ZNF676: variants seen among roughly 807,000 people sequenced by gnomAD.
The protein encoded by ZNF676 is zinc finger protein 676.
A neutral mutation model predicts 6.0 loss-of-function variants in ZNF676; 4 were observed. That is an observed-to-expected ratio of 0.67 (90% confidence interval 0.33 to 1.53). The LOEUF (loss-of-function observed/expected upper bound fraction) is 1.53, where lower values mean the gene tolerates loss of function less well. Among genes scored for constraint, ZNF676 ranks in the 40% most tolerant of loss-of-function variants. The pLI is 0.06. For synonymous variants in ZNF676, 198 were observed against 223.1 expected (o/e 0.89, Z 1.00); for missense variants, 644 against 679.7 (o/e 0.95, Z 0.58).
Position 22,180,347 on chromosome 19 carries a change from G to C in ZNF676, c.1370C>G (p.Ala457Gly), listed in dbSNP as rs2023716527. The C allele has an allele frequency of 6.2e-7, 1 of 1,613,630 alleles. No homozygotes were observed. The highest frequency in any genetic ancestry group is 1.3e-5 in the African/African-American group (1 of 74,924). The change falls in exon 3 of 3, where the codon GCC (alanine) becomes GGC (glycine). Residue 457 changes from alanine (A) to glycine (G), a missense_variant. Ala to Gly is a moderately conservative substitution (Grantham distance 60). This residue lies in a region of ZNF676 where 306 missense variants were observed against 265.4 expected (regional missense o/e 1.15). Coordinates refer to ENST00000397121, the MANE Select transcript of ZNF676 (RefSeq NM_001001411.3). ...KPYKCEECGKAFTWSSSFTKH... is the reference protein window; with the variant it reads ...KPYKCEECGKGFTWSSSFTKH... Reference sequence around the variant, plus strand: ...AGTAAAGCTTGAGGACCAGGTGAAGGCTTTGCCACATTCTTCACATTTGTA... The same window carrying C: ...AGTAAAGCTTGAGGACCAGGTGAAGCCTTTGCCACATTCTTCACATTTGTA...
intron 1 of ZNF676, among the ~76,000 whole-genome samples, chr19:22,209,954 G>A (rs574859015): frequency 2.2e-4 from 33 of 152,260 alleles, no homozygotes; most frequent in Admixed American, 7.2e-4. Context: ...TCCAGAGAGG[G>A]GTGTGGACAC....
the ZNF676 span, among the ~76,000 whole-genome samples, chr19:22,259,409 T>A: frequency 1.3e-4 from 20 of 152,102 alleles, no homozygotes; most frequent in Non-Finnish European, 2.9e-5. Context: ...CACAATCTCC[T>A]TTTGTGGACA....
chr19:22,186,153 G>A (rs796754033), intron 2 of ZNF676, among the ~76,000 whole-genome samples: 4 of 152,282 alleles, frequency 2.6e-5, no homozygotes, highest in African/African-American at 9.6e-5. Context: ...TACCCACAAA[G>A]CAAAGCCCAT....
At chr19:22,239,724 G>A in the ZNF676 span, among the ~76,000 whole-genome samples, 1 of 152,166 alleles carries the variant, frequency 6.6e-6, no homozygotes, top group Non-Finnish European at 1.5e-5. Context: ...ACATTTGGGT[G>A]CTGGGCTCAG....
At chr19:22,251,518 G>A in the ZNF676 span, among the ~76,000 whole-genome samples, 7 of 152,108 alleles carry the variant, frequency 4.6e-5, no homozygotes, top group African/African-American at 7.2e-5. Flanking sequence ...CACCAGGCAC[G>A]GTGGCTCATG....
chr19:22,188,740 A>T (rs1381683520), intron 2 of ZNF676, among the ~76,000 whole-genome samples: 4 of 152,100 alleles, frequency 2.6e-5, no homozygotes, highest in African/African-American at 4.8e-5. Context: ...TCATGAGTGA[A>T]CTCCCATTTA....
chr19:22,259,278 G>A, the ZNF676 span, among the ~76,000 whole-genome samples: 1 of 152,120 alleles, frequency 6.6e-6, no homozygotes, highest in Non-Finnish European at 1.5e-5. Flanking sequence ...GACTCAGGAA[G>A]AAGAGAAGAG....
chr19:22,181,534 A>G lies in ZNF676; in HGVS notation c.183T>C (p.Asp61=). 1 of 1,610,234 alleles carries G rather than the reference A, an allele frequency of 6.2e-7. No individual in the cohort carries two copies. Among genetic ancestry groups the G allele is most frequent in the Non-Finnish European group, 8.5e-7 (1 of 1,178,442 alleles). The change falls in exon 3 of 3, where the codon GAT becomes GAC. Residue 61 remains aspartate, a synonymous_variant. Coordinates refer to ENST00000397121, the MANE Select transcript of ZNF676 (RefSeq NM_001001411.3). The part of the protein sequence containing the change: ...QEFWPEQGIE[D]SFQKMILRRY... The stretch of plus-strand genomic sequence containing the variant: ...TTCTCAATATCATTTTTTGGAAAGA[A>G]TCTTCTATGCCTTGCTCTGGCCAAA...
chr19:22,191,622 C>T (rs2023907893), intron 2 of ZNF676, among the ~76,000 whole-genome samples: 1 of 152,168 alleles, frequency 6.6e-6, no homozygotes, highest in African/African-American at 2.4e-5. Context: ...TAAAGCCCAC[C>T]ATATGCAGAC....
At chr19:22,202,730 G>A (rs1334377430) in intron 1 of ZNF676, among the ~76,000 whole-genome samples, 1 of 152,294 alleles carries the variant, frequency 6.6e-6, no homozygotes, top group African/African-American at 2.4e-5. Context: ...ACAGCACCAT[G>A]TCATACATAG....
the ZNF676 span, among the ~76,000 whole-genome samples, chr19:22,240,865 T>A: frequency 6.6e-6 from 1 of 151,870 alleles, no homozygotes; most frequent in African/African-American, 2.4e-5. Context: ...GTGAGCAGAA[T>A]CCATGCAGAA....
chr19:22,245,331 G>A, the ZNF676 span: 1 of 152,094 alleles, frequency 6.6e-6, no homozygotes, highest in Admixed American at 6.6e-5. Context: ...CTGTGTGCTG[G>A]GTCCAGTGAT....
At chr19:22,217,546 C>T (rs1213233385), upstream of ZNF676, among the ~76,000 whole-genome samples, 1 of 151,846 alleles carries the variant, frequency 6.6e-6, no homozygotes, top group East Asian at 1.9e-4. Context: ...AGCTTAGCTC[C>T]CGTTTATAAG....
At chr19:22,214,462 A>G (rs1476312529) in intron 1 of ZNF676, among the ~76,000 whole-genome samples, 1 of 151,692 alleles carries the variant, frequency 6.6e-6, no homozygotes, top group Non-Finnish European at 1.5e-5. Flanking sequence ...TAAAAATACA[A>G]GTGGCACATG....
At chr19:22,203,743 C>T (rs10412921) in intron 1 of ZNF676, 64,329 of 151,832 alleles carry the variant, frequency 0.42, 14,442 homozygotes, top group African/African-American at 0.58. Flanking sequence ...TATAGACACA[C>T]ACCACCACAC....
chr19:22,182,098 C>T (rs1324085795), intron 2 of ZNF676, among the ~76,000 whole-genome samples: 1 of 152,084 alleles, frequency 6.6e-6, no homozygotes, highest in East Asian at 1.9e-4. Flanking sequence ...AAGGTAAATG[C>T]ACTGCAGCAG....
chr19:22,237,543 T>C, the ZNF676 span, among the ~76,000 whole-genome samples: 1 of 152,178 alleles, frequency 6.6e-6, no homozygotes, highest in Admixed American at 6.5e-5. Context: ...TTAGTCTACT[T>C]ATATGCCTAG....
chr19:22,212,624 G>C (rs559538771), intron 1 of ZNF676, among the ~76,000 whole-genome samples: 2 of 151,574 alleles, frequency 1.3e-5, no homozygotes, highest in Non-Finnish European at 2.9e-5. Context: ...AGAATCACTT[G>C]AACTTGGGAT....
chr19:22,236,705 TAG>T, the ZNF676 span, among the ~76,000 whole-genome samples: 1 of 152,212 alleles, frequency 6.6e-6, no homozygotes, highest in East Asian at 1.9e-4. Context: ...TATTTAAAAT[TAG>T]TCTTTTTTCC....
Sources: gnomAD v4.1 joint callset for allele counts (sites outside exome capture counted in the v4.1 genomes callset) on GRCh38, gnomAD v4.1.1 for gene constraint, gnomAD v4.1.1 regional missense constraint, MANE v1.5 for transcripts, NCBI Gene and HGNC (gene_info 2026-07-23, HGNC 2026-07-21) for gene names.